The following KCTD10 variants were observed in gnomAD, a reference collection of about 807,000 sequenced individuals.
The protein encoded by KCTD10 is potassium channel tetramerization domain containing 10, also known as BTB/POZ domain-containing adapter for CUL3-mediated RhoA degradation protein 3.
Under a neutral mutation model 34.6 loss-of-function variants are expected in KCTD10, and 13 were observed. The observed-to-expected ratio is 0.38, with a 90% CI of 0.24 to 0.60. The LOEUF is 0.60. Ranked by LOEUF, KCTD10 falls within the 20% of genes least tolerant of loss-of-function variation. The probability of loss-of-function intolerance (pLI) is 0.66; values close to 1 mark genes in which losing one functional copy is unlikely to be tolerated. For missense variants in KCTD10, 256 were observed against 420.3 expected, an observed-to-expected ratio of 0.61 and a Z score of 3.42; for synonymous variants, 156 against 168.8, an observed-to-expected ratio of 0.92 and a Z score of 0.59.
intron 2 of KCTD10, among the ~76,000 whole-genome samples, chr12:109,462,729 C>G (rs1873398246): frequency 6.6e-6 from 1 of 152,178 alleles, no homozygotes; most frequent in South Asian, 2.1e-4. Context: ...GCTGTGAGCT[C>G]TGATGTTCCA....
Position 109,477,254 on chromosome 12 carries a change from C to T in KCTD10, c.3+6G>A. On this transcript the variant is annotated splice_donor_region_variant and intron_variant, in intron 1 of 6. Transcript: ENST00000228495. Reference sequence around the variant, plus strand: ...ACCCCTAGTCCATGGGCACCGCCCTCCCTACCATGAAAAGTCGGAGGACGC... The same window carrying T: ...ACCCCTAGTCCATGGGCACCGCCCTTCCTACCATGAAAAGTCGGAGGACGC... The T allele has an allele frequency of 1.2e-6, 2 of 1,613,992 alleles. No homozygotes were observed. The highest frequency in any genetic ancestry group is 1.3e-5 in the African/African-American group (1 of 75,060).
intron 1 of KCTD10, chr12:109,471,517 C>G (rs73196258): frequency 0.073 from 44,190 of 607,566 alleles, 1,904 homozygotes; most frequent in Middle Eastern, 0.092. Flanking sequence ...CTTTGCTGCC[C>G]GATGCCAAAC....
chr12:109,454,272 G>A (rs1872914786), intron 6 of KCTD10, among the ~76,000 whole-genome samples: 1 of 152,192 alleles, frequency 6.6e-6, no homozygotes, highest in Non-Finnish European at 1.5e-5. Context: ...AGTAAGTAAG[G>A]GCCAATGCTC....
intron 6 of KCTD10, among the ~76,000 whole-genome samples, chr12:109,453,337 ACAC>A (rs1436057552): frequency 1.3e-5 from 2 of 152,164 alleles, no homozygotes; most frequent in African/African-American, 4.8e-5. Flanking sequence ...CTACAGGCAC[ACAC>A]CACCATGCCC....
chr12:109,469,376 C>T lies in KCTD10; in HGVS notation c.217+139G>A, dbSNP rs545720681. 21 of 964,930 alleles carry T rather than the reference C, an allele frequency of 2.2e-5. No individual in the cohort carries two copies. In the Admixed American group the frequency reaches 4.3e-4, roughly 20 times the overall value. 59.8% of individuals were successfully genotyped at this position (964,930 alleles called of 1,614,324 possible). On this transcript the variant is annotated intron_variant, in intron 2 of 6. Transcript: ENST00000228495. ...CAAAGTAACATAGCAAATCAACGACCAAGTCAAGATGGTGGGAGTCCCCAA... is the reference window on the plus strand; with the variant it reads ...CAAAGTAACATAGCAAATCAACGACTAAGTCAAGATGGTGGGAGTCCCCAA...
rs1008804981 is a variant in KCTD10 at position 109,448,680 on chromosome 12, T to G, written c.*2915A>C. On this transcript the variant is annotated 3_prime_UTR_variant, in exon 7 of 7. Transcript: ENST00000228495. The stretch of plus-strand genomic sequence containing the variant: ...AGCATTTTATGACTTTTATTTTACA[T>G]GTCGCCAACGTTTGTACAACATACA... 6.6e-6 allele frequency: 1 copy of G among 152,286 alleles called. No homozygotes were observed. The highest frequency in any genetic ancestry group is 6.5e-5 in the Admixed American group (1 of 15,288). The allele number at this position is 152,286 out of a possible 1,614,324, so 9.4% of individuals were successfully genotyped here.
At chr12:109,465,198 G>C (rs571588705) in intron 2 of KCTD10, among the ~76,000 whole-genome samples, 1 of 152,166 alleles carries the variant, frequency 6.6e-6, no homozygotes, top group Non-Finnish European at 1.5e-5. Flanking sequence ...TATGGCTCCG[G>C]CAGCGGCTGT....
intron 2 of KCTD10, 54 bp downstream of exon 2, chr12:109,469,461 C>T (rs1220885692): frequency 3.8e-6 from 6 of 1,587,980 alleles, no homozygotes; most frequent in Non-Finnish European, 5.2e-6. Flanking sequence ...CAGGGAAGCC[C>T]TCCTTGACCA....
rs1872605307 is a variant in KCTD10 at position 109,448,737 on chromosome 12, T to A, written c.*2858A>T. ...ACATCTAAAACTTTGAGCATTTTTT[T>A]ATGGCGCAAAGAGACAGAAAGGTTA... On this transcript the variant is annotated 3_prime_UTR_variant, in exon 7 of 7. Transcript: ENST00000228495. 6.6e-6 allele frequency: 1 copy of A among 152,248 alleles called. No individual in the cohort carries two copies. The highest frequency in any genetic ancestry group is 1.5e-5 in the Non-Finnish European group (1 of 68,036). The allele number at this position is 152,248 out of a possible 1,614,324, so 9.4% of individuals were successfully genotyped here.
At chr12:109,474,142 C>T (rs778651999) in intron 1 of KCTD10, among the ~76,000 whole-genome samples, 3 of 151,762 alleles carry the variant, frequency 2.0e-5, no homozygotes, top group Non-Finnish European at 4.4e-5. Context: ...CTCGAACTCC[C>T]GACCTCAAGT....
At position 109,465,073 on chromosome 12, in the gene KCTD10, G is replaced by A. The variant is rs562762824; in HGVS notation, c.218-4268C>T. Among the ~76,000 whole-genome samples the A allele has an allele frequency of 3.3e-5, 5 of 152,250 alleles. No homozygotes were observed. The East Asian group carries it at 5.8e-4, about 18-fold the overall frequency. ...TGATTGTCTACGTGCCCCATGATGT[G>A]GCAAAGGCTGGGCAGCATCGCACAG... On this transcript the variant is annotated intron_variant, in intron 2 of 6. Coordinates refer to ENST00000228495, the MANE Select transcript of KCTD10 (RefSeq NM_031954.5).
At position 109,456,235 on chromosome 12, in the gene KCTD10, G is replaced by C. The variant is rs1400975199; in HGVS notation, c.606C>G (p.Phe202Leu). ...TTTCATCCCCAATAACATCCTTTAT[G>C]AACAGGACCCTTCCGTTAAAGCGCA... ...LSLRFNGRVL[F>L]IKDVIGDEIC... The change falls in exon 6 of 7, where the codon TTC (phenylalanine) becomes TTG (leucine). Residue 202 changes from phenylalanine (F) to leucine (L), a missense_variant. By Grantham distance (22) the Phe-to-Leu change is conservative (BLOSUM62 0). This residue lies in a region of KCTD10 where 41 missense variants were observed against 124.2 expected (regional missense o/e 0.33). Transcript: ENST00000228495. 1.2e-6 allele frequency: 2 copies of C among 1,613,976 alleles called. No individual in the cohort carries two copies. Among genetic ancestry groups the C allele is most frequent in the African/African-American group, 2.7e-5 (2 of 74,888 alleles).
Position 109,460,746 on chromosome 12 carries a change from C to T in KCTD10, c.277G>A (p.Asp93Asn). ...HFGTILNYLR[D>N]GAVPLPESRR... ...CTCTCGGGTAAAGGCACCGCCCCGT[C>T]TCGAAGGTAGTTGAGTATCGTACCA... The change falls in exon 3 of 7, where the codon GAC becomes AAC. Residue 93 changes from aspartate (D) to asparagine (N), a missense_variant. Physicochemically the swap from Asp to Asn is conservative, Grantham distance 23. Coordinates refer to ENST00000228495, the MANE Select transcript of KCTD10 (RefSeq NM_031954.5). The surrounding 1 kb of genome is among the most constrained non-coding windows in gnomAD (Gnocchi z 4.5). 6.2e-7 allele frequency: 1 copy of T among 1,614,200 alleles called. No individual in the cohort carries two copies. The highest frequency in any genetic ancestry group is 8.5e-7 in the Non-Finnish European group (1 of 1,180,026).
chr12:109,468,355 C>T (rs1384610452), intron 2 of KCTD10, among the ~76,000 whole-genome samples: 3 of 152,116 alleles, frequency 2.0e-5, no homozygotes, highest in Admixed American at 1.3e-4. Context: ...CAATCCCACC[C>T]GCTTATGTGA....
chr12:109,473,174 G>A (rs1189348854), intron 1 of KCTD10, among the ~76,000 whole-genome samples: 1 of 152,248 alleles, frequency 6.6e-6, no homozygotes, highest in African/African-American at 2.4e-5. Flanking sequence ...TGGGCAAGTG[G>A]TGGCTGGCCC....
Position 109,460,818 on chromosome 12 carries a change from G to A in KCTD10, c.218-13C>T. On this transcript the variant is annotated splice_polypyrimidine_tract_variant and intron_variant, in intron 2 of 6. Transcript: ENST00000228495. This position sits in a 1 kb window ranked among gnomAD's most constrained non-coding sequence, Gnocchi z 4.5. ...ATGAGGATCCAGCCTGCAGAGGGAG[G>A]AGGCAGGGGCTGGTTACATGGGCCC... The A allele has an allele frequency of 1.2e-6, 2 of 1,613,202 alleles. No homozygotes were observed. The highest frequency in any genetic ancestry group is 1.7e-6 in the Non-Finnish European group (2 of 1,179,400).
intron 1 of KCTD10, chr12:109,471,340 C>T: frequency 1.0e-6 from 1 of 985,370 alleles, no homozygotes; most frequent in Non-Finnish European, 1.2e-6. Context: ...TCCATGGCAC[C>T]CAACAGTGGC....
intron 2 of KCTD10, among the ~76,000 whole-genome samples, chr12:109,466,730 C>T (rs1444154726): frequency 1.3e-5 from 2 of 152,246 alleles, no homozygotes; most frequent in Admixed American, 6.5e-5. Context: ...CAACATGACA[C>T]ATCCCCTGTT....
chr12:109,453,481 C>T (rs558222462), intron 6 of KCTD10, among the ~76,000 whole-genome samples: 4 of 152,228 alleles, frequency 2.6e-5, no homozygotes. Flanking sequence ...GTGTGAGCCA[C>T]CATGCTCAGT....
Sources: allele counts gnomAD v4.1 joint callset (sites outside exome capture counted in the v4.1 genomes callset), GRCh38; gene constraint gnomAD v4.1.1; regional missense constraint gnomAD v4.1.1; non-coding constraint Gnocchi (gnomAD v3.1); transcripts MANE v1.5; gene names NCBI Gene and HGNC (gene_info 2026-07-23, HGNC 2026-07-21).